Variants in NDST3 observed in about 807,000 individuals in gnomAD.
NDST3 encodes the protein bifunctional heparan sulfate N-deacetylase/N-sulfotransferase 3.
A neutral mutation model predicts 96.1 loss-of-function variants in NDST3; 58 were observed. The ratio of observed to expected loss-of-function variants is 0.60; its 90% confidence interval spans 0.49 to 0.75. NDST3 has a LOEUF of 0.75. Ranked by LOEUF, NDST3 falls within the 30% of genes least tolerant of loss-of-function variation. The pLI is 0.00. For synonymous variants in NDST3, 333 were observed against 359.7 expected, an observed-to-expected ratio of 0.93 and a Z score of 0.84; for missense variants, 788 against 1,034.2, an observed-to-expected ratio of 0.76 and a Z score of 3.27.
chr4:118,182,886 A>AG (rs1302143046), intron 6 of NDST3, among the ~76,000 whole-genome samples: 2 of 152,218 alleles, frequency 1.3e-5, no homozygotes, highest in Non-Finnish European at 2.9e-5. Context: ...CAACAACCTT[A>AG]GAAAGCCTAT....
At chr4:118,093,176 T>A (rs1729018013) in intron 2 of NDST3, among the ~76,000 whole-genome samples, 1 of 151,910 alleles carries the variant, frequency 6.6e-6, no homozygotes. Context: ...GGCATTTGAC[T>A]TCTAAGATAG....
intron 6 of NDST3, among the ~76,000 whole-genome samples, chr4:118,217,313 T>C (rs998597890): frequency 1.5e-4 from 23 of 152,048 alleles, no homozygotes; most frequent in Non-Finnish European, 3.4e-4. Flanking sequence ...ACTGGGACCA[T>C]GTAGTGCCTT....
rs761245325 is a variant in NDST3, at chr4:118,054,735, C to T, written c.825C>T (p.Asn275=). The part of the protein sequence containing the change: ...DGIQRVLFGN[N]LNFWLHKLIF... ...TTCAAAGGGTTCTTTTTGGCAACAACTTGAACTTTTGGCTGCACAAGCTCA... is the reference window on the plus strand; with the variant it reads ...TTCAAAGGGTTCTTTTTGGCAACAATTTGAACTTTTGGCTGCACAAGCTCA... The change falls in exon 2 of 14, where the codon AAC becomes AAT. Residue 275 remains asparagine, a synonymous_variant. Transcript: ENST00000296499. The T allele has an allele frequency of 3.7e-6, 6 of 1,613,324 alleles. No homozygotes were observed. In the Admixed American group the frequency reaches 1.0e-4, roughly 27 times the overall value.
intron 6 of NDST3, among the ~76,000 whole-genome samples, chr4:118,166,508 C>CA (rs1039614879): frequency 2.0e-5 from 3 of 151,540 alleles, no homozygotes; most frequent in African/African-American, 7.3e-5. Context: ...TCAAACTCTC[C>CA]AAAAAAACGG....
chr4:118,199,175 G>T (rs1317235410), intron 6 of NDST3, among the ~76,000 whole-genome samples: 1 of 152,020 alleles, frequency 6.6e-6, no homozygotes. Context: ...ACTCTTTAAA[G>T]CCAATAACTC....
At chr4:118,153,422 G>A (rs185582546) in intron 6 of NDST3, among the ~76,000 whole-genome samples, 41 of 152,264 alleles carry the variant, frequency 2.7e-4, no homozygotes, top group African/African-American at 9.9e-4. Flanking sequence ...GGGAGCAGCG[G>A]AGTGGCCAGT....
At chr4:118,183,460 T>C (rs28430981) in intron 6 of NDST3, among the ~76,000 whole-genome samples, 55 of 152,234 alleles carry the variant, frequency 3.6e-4, no homozygotes, top group African/African-American at 1.3e-3. Context: ...CCTATCCCCA[T>C]CCCAAATCAT....
chr4:118,250,600 T>C (rs1741634200), intron 12 of NDST3, among the ~76,000 whole-genome samples: 1 of 151,978 alleles, frequency 6.6e-6, no homozygotes, highest in African/African-American at 2.4e-5. Flanking sequence ...TTCTCCTGCC[T>C]CAGCCTCCTG....
chr4:118,048,983 A>C (rs966333609), intron 1 of NDST3, among the ~76,000 whole-genome samples: 1 of 152,180 alleles, frequency 6.6e-6, no homozygotes, highest in Non-Finnish European at 1.5e-5. Context: ...TTCACGAAGG[A>C]AGTCTCAATA....
intron 4 of NDST3, among the ~76,000 whole-genome samples, chr4:118,115,505 A>G (rs1455949350): frequency 6.6e-6 from 1 of 152,210 alleles, no homozygotes; most frequent in Non-Finnish European, 1.5e-5. Context: ...AGGAGACCAT[A>G]ATGACTGTAT....
Position 118,058,594 on chromosome 4 carries a change from A to AGTGTGT in NDST3, c.981+3739_981+3744dup, listed in dbSNP as rs59628763. Among the ~76,000 whole-genome samples, 632 of 81,028 alleles carry AGTGTGT rather than the reference A, an allele frequency of 7.8e-3. 9 individuals are homozygous for AGTGTGT. Among genetic ancestry groups the AGTGTGT allele is most frequent in the African/African-American group, 0.018 (521 of 29,516 alleles). 53.2% of individuals were successfully genotyped at this position (81,028 alleles called of 152,430 possible). ...TTTCAGTGAAATTGAAGTCAGGAAA[A>AGTGTGT]GTGTGTGTGTGTGTGTGTGTGTGTG... On this transcript the variant is annotated intron_variant, in intron 2 of 13. Transcript: ENST00000296499.
intron 6 of NDST3, among the ~76,000 whole-genome samples, chr4:118,177,718 T>C (rs923193682): frequency 6.6e-6 from 1 of 152,014 alleles, no homozygotes; most frequent in African/African-American, 2.4e-5. Flanking sequence ...TCCTGGATCA[T>C]GATTATAAAG....
intron 2 of NDST3, among the ~76,000 whole-genome samples, chr4:118,070,135 A>G (rs1361309847): frequency 6.6e-6 from 1 of 152,138 alleles, no homozygotes; most frequent in African/African-American, 2.4e-5. Context: ...TACAAATCAT[A>G]AATCTTTATC....
chr4:118,184,827 T>TC (rs2125956621), intron 6 of NDST3, among the ~76,000 whole-genome samples: 1 of 152,336 alleles, frequency 6.6e-6, no homozygotes, highest in South Asian at 2.1e-4. Flanking sequence ...GTCTGCATTT[T>TC]CACATGTGCC....
intron 6 of NDST3, among the ~76,000 whole-genome samples, chr4:118,214,930 T>C (rs1489257302): frequency 2.0e-5 from 3 of 152,158 alleles, no homozygotes; most frequent in African/African-American, 7.2e-5. Flanking sequence ...ATTGAGCATC[T>C]ACCATGTGCT....
At chr4:118,035,642 G>T (rs1322576921) in intron 1 of NDST3, among the ~76,000 whole-genome samples, 4 of 151,730 alleles carry the variant, frequency 2.6e-5, no homozygotes, top group Non-Finnish European at 5.9e-5. Context: ...GTTTGAAGGA[G>T]GCTCCTTTTT....
intron 6 of NDST3, among the ~76,000 whole-genome samples, chr4:118,196,419 T>G (rs1737690943): frequency 6.6e-6 from 1 of 152,180 alleles, no homozygotes; most frequent in South Asian, 2.1e-4. Flanking sequence ...TCAGTAGGAT[T>G]GCTATTAGTT....
rs535443895 is a variant in NDST3 at position 118,081,890 on chromosome 4, G to C, written c.982-23128G>C. ...ATATGGAACAATTTCCTGCAGCATT[G>C]AGCCTCAGAAGAATTTAACAGCTTT... On this transcript the variant is annotated intron_variant, in intron 2 of 13. Coordinates refer to ENST00000296499, the MANE Select transcript of NDST3 (RefSeq NM_004784.3). Among the ~76,000 whole-genome samples the C allele has an allele frequency of 6.6e-5, 10 of 152,248 alleles. No individual in the cohort carries two copies. In the East Asian group the frequency reaches 1.5e-3, roughly 24 times the overall value.
At chr4:118,193,706 C>G (rs1229162783) in intron 6 of NDST3, 2 of 1,290,960 alleles carry the variant, frequency 1.5e-6, no homozygotes, top group Non-Finnish European at 2.2e-6. Flanking sequence ...GGCCTCTCCC[C>G]AATGGAAGAG....
Sources: allele counts gnomAD v4.1 joint callset (sites outside exome capture counted in the v4.1 genomes callset), GRCh38; gene constraint gnomAD v4.1.1; transcripts MANE v1.5; gene names NCBI Gene and HGNC (gene_info 2026-07-23, HGNC 2026-07-21).